EARS2: variants seen among roughly 807,000 people sequenced by gnomAD.
The protein encoded by EARS2 is glutamyl-tRNA synthetase 2, mitochondrial.
In EARS2, 50 loss-of-function variants were observed where a neutral mutation model predicts 54.1. That is an observed-to-expected ratio of 0.92 (90% CI 0.74 to 1.17). EARS2 has a LOEUF of 1.17. Ranked by LOEUF, EARS2 falls within the 50% of genes most tolerant of loss-of-function variation. EARS2 has a pLI of 0.00. For synonymous variants in EARS2, 298 were observed against 281.0 expected (o/e 1.06, Z -0.61); for missense variants, 673 against 675.0 (o/e 1.00, Z 0.03).
intron 3 of EARS2, among the ~76,000 whole-genome samples, chr16:23,543,996 G>A (rs1442862965): frequency 1.3e-5 from 2 of 152,138 alleles, no homozygotes; most frequent in African/African-American, 4.8e-5. Flanking sequence ...TATATATGCA[G>A]ATATTTCAAT....
At chr16:23,549,308 A>G (rs1965655822) in intron 2 of EARS2, among the ~76,000 whole-genome samples, 1 of 152,114 alleles carries the variant, frequency 6.6e-6, no homozygotes, top group Non-Finnish European at 1.5e-5. Context: ...TCTAGATGCC[A>G]GCACCCAACA....
At chr16:23,530,042 C>A in intron 5 of EARS2, 145 bp from the exon 6 acceptor site, 1 of 1,005,418 alleles carries the variant, frequency 9.9e-7, no homozygotes, top group Non-Finnish European at 1.4e-6. Context: ...AATCTCTTCA[C>A]GTTTATAAAA....
intron 2 of EARS2, among the ~76,000 whole-genome samples, chr16:23,545,527 C>G (rs1040176781): frequency 3.3e-5 from 5 of 152,196 alleles, no homozygotes; most frequent in African/African-American, 9.6e-5. Flanking sequence ...GTTATTCCCC[C>G]ACTCTGTGAG....
chr16:23,523,435 A>G lies in EARS2; in HGVS notation c.*936T>C, dbSNP rs532554451. The G allele has an allele frequency of 3.9e-5, 6 of 152,372 alleles. No homozygotes were observed. The South Asian group carries it at 1.2e-3, about 32-fold the overall frequency. 9.4% of individuals were successfully genotyped at this position (152,372 alleles called of 1,614,324 possible). Reference sequence around the variant, plus strand: ...CTGGAAGACTGGAAAAACGGAACAGATGACGTTTAGGGAAGGGAGACACAG... The same window carrying G: ...CTGGAAGACTGGAAAAACGGAACAGGTGACGTTTAGGGAAGGGAGACACAG... On this transcript the variant is annotated 3_prime_UTR_variant, in exon 9 of 9. Transcript: ENST00000449606.
intron 8 of EARS2, chr16:23,525,020 T>G: frequency 1.6e-6 from 1 of 617,880 alleles, no homozygotes; most frequent in Non-Finnish European, 2.8e-6. Flanking sequence ...GAGGCAGAGA[T>G]TATGTATGTG....
In EARS2 at chr16:23,521,578, T is replaced by C. The variant is rs555461403; in HGVS notation, c.*2793A>G. ...CTCACCTGGCTAATTTTTAAATTTT[T>C]TGTAGAGACAGGATCTCACTATGTT... On this transcript the variant is annotated 3_prime_UTR_variant, in exon 9 of 9. Coordinates refer to ENST00000449606, the MANE Select transcript of EARS2 (RefSeq NM_001083614.2). Among the ~76,000 whole-genome samples the C allele has an allele frequency of 1.3e-5, 2 of 152,258 alleles. No individual in the cohort carries two copies. Among genetic ancestry groups the C allele is most frequent in the East Asian group, 3.9e-4 (2 of 5,180 alleles).
At chr16:23,554,351 A>G (rs147679406) in intron 1 of EARS2, among the ~76,000 whole-genome samples, 1 of 152,136 alleles carries the variant, frequency 6.6e-6, no homozygotes, top group Non-Finnish European at 1.5e-5. Flanking sequence ...GGCTTTAAAC[A>G]CTAACCAAAA....
chr16:23,547,741 G>A (rs1257434687), intron 2 of EARS2, among the ~76,000 whole-genome samples: 2 of 152,070 alleles, frequency 1.3e-5, no homozygotes, highest in African/African-American at 4.8e-5. Context: ...CTGACTTTGT[G>A]ATCCGCCTGC....
chr16:23,538,254 C>A (rs1267214132), intron 3 of EARS2, among the ~76,000 whole-genome samples: 1 of 152,002 alleles, frequency 6.6e-6, no homozygotes, highest in Non-Finnish European at 1.5e-5. Context: ...TCACTGTAGC[C>A]TCTGCCTCCC....
chr16:23,550,861 C>T (rs190455548), intron 2 of EARS2: 1 of 152,010 alleles, frequency 6.6e-6, no homozygotes, highest in East Asian at 1.9e-4. Context: ...CTAGCAGAGT[C>T]TTGGTATTTT....
At chr16:23,539,878 G>C (rs562075636) in intron 3 of EARS2, among the ~76,000 whole-genome samples, 2 of 152,186 alleles carry the variant, frequency 1.3e-5, no homozygotes, top group South Asian at 4.1e-4. Flanking sequence ...AGCCGGGCAT[G>C]ATGGCTCACA....
chr16:23,534,050 C>G (rs1445641642), intron 4 of EARS2, among the ~76,000 whole-genome samples: 1 of 76,736 alleles, frequency 1.3e-5, no homozygotes, highest in Non-Finnish European at 3.3e-5. Flanking sequence ...GAAGTTCTGT[C>G]TCAAAAAAAA....
chr16:23,544,832 T>C (rs1056597040), intron 2 of EARS2, 129 bp from the exon 3 acceptor site: 60 of 868,400 alleles, frequency 6.9e-5, no homozygotes, highest in Admixed American at 9.3e-5. Context: ...ATTAGTACAA[T>C]GTCCTCCCCG....
At chr16:23,548,077 A>C (rs1965633835) in intron 2 of EARS2, among the ~76,000 whole-genome samples, 1 of 151,676 alleles carries the variant, frequency 6.6e-6, no homozygotes, top group Non-Finnish European at 1.5e-5. Flanking sequence ...AAAAATACAA[A>C]AACAAAATTA....
At chr16:23,546,369 G>T (rs1028597483) in intron 2 of EARS2, 10 of 455,964 alleles carry the variant, frequency 2.2e-5, no homozygotes, top group African/African-American at 2.0e-4. Flanking sequence ...AGTGGGCCTG[G>T]GTTCAAACGT....
intron 7 of EARS2, among the ~76,000 whole-genome samples, chr16:23,527,932 C>T (rs1965258252): frequency 6.6e-6 from 1 of 152,178 alleles, no homozygotes; most frequent in Non-Finnish European, 1.5e-5. Flanking sequence ...AAATTTTAAC[C>T]CCCAAGGGGA....
chr16:23,557,155 G>C (rs770468893), intron 1 of EARS2, 50 bp downstream of exon 1: 2 of 1,499,866 alleles, frequency 1.3e-6, no homozygotes, highest in Non-Finnish European at 1.8e-6. Flanking sequence ...TCGTGGGGCG[G>C]AGACGGGACA....
rs568785499 is a variant in EARS2, at chr16:23,536,109, A to G, written c.486-749T>C. Among the ~76,000 whole-genome samples, 39 of 152,280 alleles carry G rather than the reference A, an allele frequency of 2.6e-4. No homozygotes were observed. The East Asian group carries it at 6.2e-3, about 24-fold the overall frequency. ...CCTCTTGGGAGTCTGCCAGAAATGC[A>G]GACTCTTAGGCTCCACCCCAGACCT... is the stretch of plus-strand genomic sequence containing the variant. On this transcript the variant is annotated intron_variant, in intron 3 of 8. Coordinates refer to ENST00000449606, the MANE Select transcript of EARS2 (RefSeq NM_001083614.2).
In EARS2 at chr16:23,539,979, G is replaced by A. The variant is rs138148527; in HGVS notation, c.485+4535C>T. Among the ~76,000 whole-genome samples the A allele has an allele frequency of 1.8e-3, 268 of 152,066 alleles. 3 individuals are homozygous for A. The highest frequency in any genetic ancestry group is 6.0e-3 in the African/African-American group (251 of 41,490). ...AGCCTAGGCAACACGGAGAAACCCC[G>A]TCTCTACCAAAAAATACAAAAAAAA... On this transcript the variant is annotated intron_variant, in intron 3 of 8. Coordinates refer to ENST00000449606, the MANE Select transcript of EARS2 (RefSeq NM_001083614.2).
Sources: gnomAD v4.1 joint callset for allele counts (sites outside exome capture counted in the v4.1 genomes callset) on GRCh38, gnomAD v4.1.1 for gene constraint, MANE v1.5 for transcripts, NCBI Gene and HGNC (gene_info 2026-07-23, HGNC 2026-07-21) for gene names.